Variants in HDAC4 observed in about 807,000 individuals in gnomAD.
HDAC4 encodes the protein histone deacetylase 4, also known as histone deacetylase A.
A neutral mutation model predicts 135.1 loss-of-function variants in HDAC4; 16 were observed. The observed-to-expected ratio is 0.12, with a 90% CI of 0.08 to 0.18. The LOEUF (loss-of-function observed/expected upper bound fraction) is 0.18. Ranked by LOEUF, HDAC4 falls within the 10% of genes least tolerant of loss-of-function variation. HDAC4 has a pLI of 1.00. For missense variants in HDAC4, 1,143 were observed against 1,511.8 expected (o/e 0.76, Z 4.05); for synonymous variants, 685 against 653.4 (o/e 1.05, Z -0.74).
chr2:239,089,933 G>A (rs1015988481), intron 18 of HDAC4, 76 bp downstream of exon 18: 6 of 1,066,174 alleles, frequency 5.6e-6, no homozygotes, highest in Non-Finnish European at 8.8e-6. Flanking sequence ...GGGAGACGGA[G>A]TGGGCGGCCC....
At chr2:239,093,093 G>A (rs909822167) in intron 17 of HDAC4, among the ~76,000 whole-genome samples, 8 of 152,232 alleles carry the variant, frequency 5.3e-5, no homozygotes, top group African/African-American at 1.4e-4. Context: ...TCCGCTGGGC[G>A]AGGCCGAGCA....
intron 1 of HDAC4, among the ~76,000 whole-genome samples, chr2:239,384,818 T>A (rs1695675018): frequency 6.6e-6 from 1 of 152,112 alleles, no homozygotes; most frequent in African/African-American, 2.4e-5. Flanking sequence ...GATGACACTT[T>A]AACAATACAA....
intron 2 of HDAC4, among the ~76,000 whole-genome samples, chr2:239,333,495 A>G (rs1449875527): frequency 2.0e-5 from 3 of 152,282 alleles, no homozygotes; most frequent in Admixed American, 2.0e-4. Context: ...TCTTTAGATG[A>G]TAAAAATTAA....
chr2:239,227,223 G>A (rs1426759561), intron 3 of HDAC4, among the ~76,000 whole-genome samples: 1 of 152,166 alleles, frequency 6.6e-6, no homozygotes, highest in Admixed American at 6.5e-5. Context: ...CCCAACCACC[G>A]CTTACCCCAC....
Position 239,377,015 on chromosome 2 carries a change from C to T in HDAC4, c.-220+23963G>A, listed in dbSNP as rs192743001. On this transcript the variant is annotated intron_variant, in intron 1 of 26. Transcript: ENST00000543185. The stretch of plus-strand genomic sequence containing the variant: ...ACCACTTCCTTACTCACACCACTGC[C>T]CTGCCAGACACGGTCACTTGGAACC... 5.3e-5 allele frequency among the ~76,000 whole-genome samples: 8 copies of T among 152,256 alleles called. No individual in the cohort carries two copies. In the South Asian group the frequency reaches 6.2e-4, roughly 12 times the overall value.
At chr2:239,335,436 T>C (rs1200741233) in intron 2 of HDAC4, among the ~76,000 whole-genome samples, 5 of 129,714 alleles carry the variant, frequency 3.9e-5, no homozygotes, top group Non-Finnish European at 6.4e-5. Context: ...TCAAAAATAA[T>C]ATAGAATATC....
intron 18 of HDAC4, among the ~76,000 whole-genome samples, chr2:239,088,470 G>C (rs2036195161): frequency 6.6e-6 from 1 of 152,254 alleles, no homozygotes; most frequent in South Asian, 2.1e-4. Flanking sequence ...GTGCTTCCGA[G>C]TGTAGGCTGC....
Position 239,299,718 on chromosome 2 carries a change from C to G in HDAC4, c.22+52960G>C, listed in dbSNP as rs2052135294. 6.6e-6 allele frequency among the ~76,000 whole-genome samples: 1 copy of G among 152,198 alleles called. No homozygotes were observed. Among genetic ancestry groups the G allele is most frequent in the African/African-American group, 2.4e-5 (1 of 41,440 alleles). ...TCCTGCCCACCTGCACTGGTGGCCTCCCAGCAGCTCTCATAGACCCTGGAC... is the reference window on the plus strand; with the variant it reads ...TCCTGCCCACCTGCACTGGTGGCCTGCCAGCAGCTCTCATAGACCCTGGAC... On this transcript the variant is annotated intron_variant, in intron 2 of 26. Coordinates refer to ENST00000543185, the MANE Select transcript of HDAC4 (RefSeq NM_001378414.1). This position sits in a 1 kb window ranked among gnomAD's most constrained non-coding sequence, Gnocchi z 4.0.
intron 12 of HDAC4, among the ~76,000 whole-genome samples, chr2:239,120,996 ATT>A (rs1228000061): frequency 9.6e-6 from 1 of 104,330 alleles, no homozygotes; most frequent in Non-Finnish European, 1.8e-5. Flanking sequence ...TTTCCTTTAA[ATT>A]TCTTTTTTTT....
chr2:239,147,867 C>A (rs985318780), intron 7 of HDAC4, among the ~76,000 whole-genome samples: 6 of 152,372 alleles, frequency 3.9e-5, no homozygotes, highest in Admixed American at 1.3e-4. Flanking sequence ...CTAGCAGGTG[C>A]CTTCATCCTT....
chr2:239,204,260 GC>G (rs2045920070), intron 3 of HDAC4, among the ~76,000 whole-genome samples: 1 of 152,238 alleles, frequency 6.6e-6, no homozygotes, highest in Non-Finnish European at 1.5e-5. Context: ...CAGATAGACA[GC>G]CGACCACAAT....
intron 2 of HDAC4, among the ~76,000 whole-genome samples, chr2:239,295,041 C>T (rs2051780229): frequency 6.6e-6 from 1 of 152,104 alleles, no homozygotes; most frequent in Non-Finnish European, 1.5e-5. Context: ...GGCGCGGTGG[C>T]TCACGCCTGT....
At chr2:239,119,596 G>T (rs147655987) in intron 12 of HDAC4, among the ~76,000 whole-genome samples, 2 of 151,720 alleles carry the variant, frequency 1.3e-5, no homozygotes, top group African/African-American at 4.8e-5. Context: ...CGGAGCTCAG[G>T]GCTGAGAACG....
intron 3 of HDAC4, among the ~76,000 whole-genome samples, chr2:239,209,364 T>C (rs925227504): frequency 1.3e-5 from 2 of 152,156 alleles, no homozygotes; most frequent in African/African-American, 4.8e-5. Flanking sequence ...TGAGAAGCAG[T>C]TGAGGTGGTC....
chr2:239,062,370 C>T (rs76296070), intron 24 of HDAC4, among the ~76,000 whole-genome samples: 4,396 of 152,320 alleles, frequency 0.029, 210 homozygotes, highest in African/African-American at 0.1. Context: ...TGTGCCAGAT[C>T]GCCTGGCACA....
At chr2:239,295,857 C>G (rs1366951490) in intron 2 of HDAC4, among the ~76,000 whole-genome samples, 1 of 152,172 alleles carries the variant, frequency 6.6e-6, no homozygotes, top group African/African-American at 2.4e-5. Flanking sequence ...ATCACAAGTG[C>G]CCCCAGAGCC....
intron 1 of HDAC4, among the ~76,000 whole-genome samples, chr2:239,369,115 C>A (rs1575761868): frequency 2.0e-5 from 3 of 152,242 alleles, no homozygotes; most frequent in Admixed American, 2.0e-4. Context: ...CTCTGTTTGA[C>A]AAGACACAGA....
intron 24 of HDAC4, among the ~76,000 whole-genome samples, chr2:239,062,425 GC>G (rs2032892729): frequency 6.6e-6 from 1 of 152,256 alleles, no homozygotes. Context: ...GAGGGGCGGG[GC>G]CCAGGCCAAC....
chr2:239,113,433 A>C (rs73097653), intron 13 of HDAC4, among the ~76,000 whole-genome samples: 9,435 of 152,254 alleles, frequency 0.062, 1,005 homozygotes, highest in African/African-American at 0.22. Context: ...GTTAATAAGC[A>C]ATCCTCCCCG....
Sources: gnomAD v4.1 joint callset for allele counts (sites outside exome capture counted in the v4.1 genomes callset) on GRCh38, gnomAD v4.1.1 for gene constraint, Gnocchi (gnomAD v3.1) non-coding constraint, MANE v1.5 for transcripts, NCBI Gene and HGNC (gene_info 2026-07-23, HGNC 2026-07-21) for gene names.